The following RUFY3 variants were observed in gnomAD, a reference collection of about 807,000 sequenced individuals.
RUFY3 encodes RUN and FYVE domain containing 3.
A neutral mutation model predicts 84.0 loss-of-function variants in RUFY3; 34 were observed. The ratio of observed to expected loss-of-function variants is 0.40; its 90% CI spans 0.31 to 0.54. The LOEUF (loss-of-function observed/expected upper bound fraction) is 0.54, where lower values mean the gene tolerates loss of function less well. RUFY3 is among the 20% of genes least tolerant of loss of function. The pLI is 0.39. For synonymous variants in RUFY3, 242 were observed against 252.9 expected (o/e 0.96, Z 0.41); for missense variants, 507 against 736.8 (o/e 0.69, Z 3.61).
At chr4:70,805,117 G>A (rs1050874246) in intron 17 of RUFY3, among the ~76,000 whole-genome samples, 2 of 152,152 alleles carry the variant, frequency 1.3e-5, no homozygotes, top group South Asian at 2.1e-4. Flanking sequence ...GATGAAGAAC[G>A]TTGAACATCT....
At chr4:70,729,066 G>A (rs1032253855) in intron 1 of RUFY3, among the ~76,000 whole-genome samples, 17 of 152,078 alleles carry the variant, frequency 1.1e-4, no homozygotes, top group African/African-American at 4.1e-4. Flanking sequence ...GAACAGTAAA[G>A]GAATTAGTAC....
intron 12 of RUFY3, chr4:70,792,273 T>A (rs564896090): frequency 1.5e-3 from 1,459 of 984,324 alleles, no homozygotes; most frequent in Non-Finnish European, 1.6e-3. Flanking sequence ...TTTCTGTTAC[T>A]TTTTGTTCAG....
intron 8 of RUFY3, among the ~76,000 whole-genome samples, chr4:70,782,238 A>G (rs1578200474): frequency 2.0e-5 from 3 of 151,862 alleles, no homozygotes; most frequent in African/African-American, 7.3e-5. Context: ...CCTTGAGATA[A>G]TCTTAAGTTA....
intron 1 of RUFY3, among the ~76,000 whole-genome samples, chr4:70,723,477 A>G (rs1484283572): frequency 6.6e-6 from 1 of 152,096 alleles, no homozygotes; most frequent in African/African-American, 2.4e-5. Flanking sequence ...TCCATTTGAG[A>G]TTTCCACTGT....
At chr4:70,752,821 G>T (rs1375014794) in intron 1 of RUFY3, among the ~76,000 whole-genome samples, 2 of 152,060 alleles carry the variant, frequency 1.3e-5, no homozygotes, top group African/African-American at 4.8e-5. Flanking sequence ...CCAGTATTTT[G>T]TTAAGGATTT....
chr4:70,731,062 C>T (rs1281057394), intron 1 of RUFY3, among the ~76,000 whole-genome samples: 9 of 144,476 alleles, frequency 6.2e-5, no homozygotes, highest in South Asian at 2.2e-4. Context: ...TTTTTTGAGA[C>T]GGAGTCTCGC....
intron 5 of RUFY3, among the ~76,000 whole-genome samples, chr4:70,771,800 G>T (rs1425955233): frequency 6.6e-6 from 1 of 152,150 alleles, no homozygotes; most frequent in Non-Finnish European, 1.5e-5. Flanking sequence ...AAAGTGCTGG[G>T]ATTACAGGCA....
chr4:70,786,165 C>A (rs1228205640), intron 10 of RUFY3, among the ~76,000 whole-genome samples: 1 of 152,132 alleles, frequency 6.6e-6, no homozygotes, highest in Non-Finnish European at 1.5e-5. Context: ...AGAGAAATGC[C>A]ATATGATAAC....
intron 7 of RUFY3, among the ~76,000 whole-genome samples, chr4:70,777,642 T>C (rs904210743): frequency 6.6e-6 from 1 of 152,184 alleles, no homozygotes; most frequent in African/African-American, 2.4e-5. Flanking sequence ...CAATGAAATA[T>C]AAACAATGGC....
chr4:70,712,877 T>A (rs1167205713), intron 1 of RUFY3, among the ~76,000 whole-genome samples: 2 of 152,228 alleles, frequency 1.3e-5, no homozygotes, highest in Admixed American at 1.3e-4. Context: ...ATTACATGTC[T>A]ACTCAATCCT....
At chr4:70,769,526 G>T (rs936951182) in intron 5 of RUFY3, among the ~76,000 whole-genome samples, 1 of 152,178 alleles carries the variant, frequency 6.6e-6, no homozygotes, top group African/African-American at 2.4e-5. Flanking sequence ...CAGTGTTAAT[G>T]GCTGCTGACT....
At chr4:70,763,439 C>G (rs1578128754) in intron 2 of RUFY3, 113 bp from the exon 3 acceptor site, 8 of 735,922 alleles carry the variant, frequency 1.1e-5, no homozygotes, top group Admixed American at 1.0e-4. Context: ...CCAAAACCAT[C>G]TTATAACCTA....
intron 1 of RUFY3, among the ~76,000 whole-genome samples, chr4:70,715,708 CAG>C (rs1369294686): frequency 1.3e-5 from 2 of 149,614 alleles, no homozygotes; most frequent in Non-Finnish European, 3.0e-5. Flanking sequence ...AGCTGCCAAA[CAG>C]AACTTTGTGA....
chr4:70,726,669 G>A (rs758945445), intron 1 of RUFY3, among the ~76,000 whole-genome samples: 1 of 152,178 alleles, frequency 6.6e-6, no homozygotes, highest in Non-Finnish European at 1.5e-5. Flanking sequence ...ACCGTGCCCC[G>A]CCCATTACTC....
chr4:70,783,108 C>T lies in RUFY3; in HGVS notation c.912C>T (p.Asn304=), dbSNP rs751115163. 6 of 1,607,758 alleles carry T rather than the reference C, an allele frequency of 3.7e-6. No homozygotes were observed. Among genetic ancestry groups the T allele is most frequent in the South Asian group, 3.3e-5 (3 of 89,942 alleles). The change falls in exon 9 of 18, where the codon AAC becomes AAT. Residue 304 remains asparagine, a synonymous_variant. Coordinates refer to ENST00000381006, the MANE Select transcript of RUFY3 (RefSeq NM_001037442.4). The stretch of plus-strand genomic sequence containing the variant: ...ATCCACAGCTTGCAGTTGCAAACAA[C>T]AGGATCATTACCTTACAAGAAGAAA... ...KLTEELAVAN[N]RIITLQEEME... is the part of the protein sequence containing the mutation.
In RUFY3 at chr4:70,731,040, CTT is replaced by C. The variant is rs1321175989; in HGVS notation, c.178+8305_178+8306del. ...CTGGGACATGCTTGGTGATTGCCATCTTTTTTTTTTTTTTTTTGAGACGGAGT... is the reference window on the plus strand; with the variant it reads ...CTGGGACATGCTTGGTGATTGCCATCTTTTTTTTTTTTTTTGAGACGGAGT... On this transcript the variant is annotated intron_variant, in intron 1 of 17. Transcript: ENST00000381006. 5.7e-3 allele frequency among the ~76,000 whole-genome samples: 801 copies of C among 141,382 alleles called. 11 individuals are homozygous for C. The highest frequency in any genetic ancestry group is 0.019 in the African/African-American group (732 of 38,448). The allele number at this position is 141,382 out of a possible 152,430, so 92.8% of individuals were successfully genotyped here.
At position 70,705,111 on chromosome 4, in the gene RUFY3, T is replaced by TC; in HGVS notation, c.176dup (p.Pro60AlafsTer63). 1 of 1,424,856 alleles carries TC rather than the reference T, an allele frequency of 7.0e-7. No homozygotes were observed. Among genetic ancestry groups the TC allele is most frequent in the Non-Finnish European group, 9.2e-7 (1 of 1,091,532 alleles). 88.3% of individuals were successfully genotyped at this position (1,424,856 alleles called of 1,614,324 possible). On this transcript the variant is annotated frameshift_variant, in exon 1 of 12. Transcript: ENST00000417478. LOFTEE classifies it high-confidence loss of function. ...CCCCGCCGGGCAGTCGGAGCCCGAC[T>TC]CGCCGGTGGCCGCCCCCTTCTTCCT...
chr4:70,797,613 G>C (rs1041090404), intron 14 of RUFY3, among the ~76,000 whole-genome samples: 1 of 151,740 alleles, frequency 6.6e-6, no homozygotes, highest in Non-Finnish European at 1.5e-5. Context: ...GGGAGGCCAA[G>C]GTGGGCAGAT....
chr4:70,734,537 G>T, intron 1 of RUFY3: 1 of 985,424 alleles, frequency 1.0e-6, no homozygotes, highest in Non-Finnish European at 1.2e-6. Flanking sequence ...TCTGGACACG[G>T]TTCATCCCTT....
Sources: allele counts gnomAD v4.1 joint callset (sites outside exome capture counted in the v4.1 genomes callset), GRCh38; gene constraint gnomAD v4.1.1; transcripts MANE v1.5; gene names NCBI Gene and HGNC (gene_info 2026-07-23, HGNC 2026-07-21).